The following LDLRAD4 variants were observed in gnomAD, a reference collection of about 807,000 sequenced individuals.
LDLRAD4 encodes the protein low density lipoprotein receptor class A domain containing 4.
A neutral mutation model predicts 17.0 loss-of-function variants in LDLRAD4; 5 were observed. That is an observed-to-expected ratio of 0.29 (90% CI 0.15 to 0.62). The LOEUF (loss-of-function observed/expected upper bound fraction) is 0.62. LDLRAD4 is among the 20% of genes least tolerant of loss of function. The probability of loss-of-function intolerance (pLI) is 0.84; values close to 1 mark genes in which losing one functional copy is unlikely to be tolerated. For missense variants in LDLRAD4, 340 were observed against 424.7 expected, an observed-to-expected ratio of 0.80 and a Z score of 1.75; for synonymous variants, 168 against 171.8, an observed-to-expected ratio of 0.98 and a Z score of 0.17.
At chr18:13,544,660 G>A (rs1343982227) in intron 3 of LDLRAD4, among the ~76,000 whole-genome samples, 1 of 152,180 alleles carries the variant, frequency 6.6e-6, no homozygotes, top group Non-Finnish European at 1.5e-5. Flanking sequence ...GGCTAGAATG[G>A]AGGACAACTT....
At chr18:13,504,001 T>C (rs1244793334) in intron 3 of LDLRAD4, among the ~76,000 whole-genome samples, 1 of 152,192 alleles carries the variant, frequency 6.6e-6, no homozygotes, top group African/African-American at 2.4e-5. Flanking sequence ...AATGAACTCA[T>C]GTAGTCCTCC....
At chr18:13,414,242 G>A (rs2088656067) in intron 2 of LDLRAD4, among the ~76,000 whole-genome samples, 1 of 152,250 alleles carries the variant, frequency 6.6e-6, no homozygotes, top group Non-Finnish European at 1.5e-5. Flanking sequence ...CTTGGGAGAT[G>A]CCTCCATCCC....
At chr18:13,393,573 G>GGACATAATC (rs2086437646) in intron 2 of LDLRAD4, among the ~76,000 whole-genome samples, 1 of 152,124 alleles carries the variant, frequency 6.6e-6, no homozygotes, top group Admixed American at 6.5e-5. Flanking sequence ...AAATATTGAC[G>GGACATAATC]GAGCTCTTGC....
At chr18:13,287,570 C>T (rs768350203) in intron 1 of LDLRAD4, among the ~76,000 whole-genome samples, 1 of 152,130 alleles carries the variant, frequency 6.6e-6, no homozygotes, top group Admixed American at 6.5e-5. Flanking sequence ...ACTACGACGG[C>T]GCCACCCTAT....
At chr18:13,499,074 A>T (rs1244845527) in intron 3 of LDLRAD4, among the ~76,000 whole-genome samples, 1 of 143,292 alleles carries the variant, frequency 7.0e-6, no homozygotes. Context: ...CTCGCCATAC[A>T]CATCCCGCCG....
At chr18:13,264,840 T>G (rs901543269) in intron 1 of LDLRAD4, among the ~76,000 whole-genome samples, 15 of 152,218 alleles carry the variant, frequency 9.9e-5, no homozygotes, top group Non-Finnish European at 2.1e-4. Context: ...ACTGTGCTGT[T>G]TCATAAAAGC....
rs890824797 is a variant in LDLRAD4 at position 13,319,317 on chromosome 18, C to T, written c.-383+41129C>T. On this transcript the variant is annotated intron_variant, in intron 1 of 5. Coordinates refer to ENST00000359446, the Ensembl canonical transcript of LDLRAD4. ...GGCGAGTAACAGAGGTGCGCAGTGG[C>T]GGGGCAGCTGGCCCAGGTCGTGCAG... Among the ~76,000 whole-genome samples the T allele has an allele frequency of 7.2e-5, 11 of 152,248 alleles. No homozygotes were observed. In the East Asian group the frequency reaches 1.5e-3, roughly 21 times the overall value.
chr18:13,432,905 T>TG (rs951333569), intron 2 of LDLRAD4, among the ~76,000 whole-genome samples: 2 of 152,166 alleles, frequency 1.3e-5, no homozygotes, highest in Admixed American at 1.3e-4. Context: ...TTTGTAGAGA[T>TG]GGGGTCTCAC....
chr18:13,528,778 C>T (rs1049915517), intron 3 of LDLRAD4, among the ~76,000 whole-genome samples: 1 of 152,228 alleles, frequency 6.6e-6, no homozygotes, highest in African/African-American at 2.4e-5. Context: ...GTTCCCATTG[C>T]ACACCCCACT....
At chr18:13,499,638 C>CTG in intron 3 of LDLRAD4, among the ~76,000 whole-genome samples, 1 of 151,218 alleles carries the variant, frequency 6.6e-6, no homozygotes, top group Non-Finnish European at 1.5e-5. Flanking sequence ...CACACACGTC[C>CTG]CGCTGTGGAT....
At position 13,492,296 on chromosome 18, in the gene LDLRAD4, G is replaced by A. The variant is rs76682497; in HGVS notation, c.181+53912G>A. On this transcript the variant is annotated intron_variant, in intron 3 of 5. Transcript: ENST00000359446. Reference sequence around the variant, plus strand: ...AATCCTGGATTTCTCCCCTATTCCCGGGCTGTTGATGGGATCTCATCTTTG... The same window carrying A: ...AATCCTGGATTTCTCCCCTATTCCCAGGCTGTTGATGGGATCTCATCTTTG... Among the ~76,000 whole-genome samples, 1,309 of 152,290 alleles carry A rather than the reference G, an allele frequency of 8.6e-3. 18 individuals carry two copies. Among genetic ancestry groups the A allele is most frequent in the African/African-American group, 0.03 (1,264 of 41,542 alleles).
chr18:13,483,691 C>G (rs932894991), intron 3 of LDLRAD4, among the ~76,000 whole-genome samples: 1 of 152,208 alleles, frequency 6.6e-6, no homozygotes, highest in Non-Finnish European at 1.5e-5. Context: ...TCTTCCCCAT[C>G]TCTGTGAGGG....
At chr18:13,249,942 G>T (rs770803470) in intron 1 of LDLRAD4, among the ~76,000 whole-genome samples, 1 of 152,128 alleles carries the variant, frequency 6.6e-6, no homozygotes, top group Non-Finnish European at 1.5e-5. Flanking sequence ...ACAGGTAGGG[G>T]TCTAGTTTTA....
intron 1 of LDLRAD4, among the ~76,000 whole-genome samples, chr18:13,363,240 G>A (rs970606735): frequency 3.3e-5 from 5 of 151,446 alleles, no homozygotes; most frequent in African/African-American, 1.2e-4. Context: ...GCTGAGGCAG[G>A]AGAATGGCGT....
At chr18:13,596,537 T>A (rs1008623710) in intron 3 of LDLRAD4, among the ~76,000 whole-genome samples, 2 of 152,222 alleles carry the variant, frequency 1.3e-5, no homozygotes, top group African/African-American at 4.8e-5. Context: ...AATTCTAGTG[T>A]GAGATATATA....
intron 3 of LDLRAD4, among the ~76,000 whole-genome samples, chr18:13,459,699 G>A (rs1600490684): frequency 1.3e-5 from 2 of 152,286 alleles, no homozygotes; most frequent in African/African-American, 4.8e-5. Flanking sequence ...GGTGTTTTAA[G>A]CCACTGAGTT....
chr18:13,358,724 C>T (rs78278383), intron 1 of LDLRAD4, among the ~76,000 whole-genome samples: 8,967 of 152,212 alleles, frequency 0.059, 337 homozygotes, highest in South Asian at 0.096. Flanking sequence ...AATTCTAACC[C>T]TGCTCTTTTT....
intron 3 of LDLRAD4, among the ~76,000 whole-genome samples, chr18:13,591,212 TA>T (rs1188579834): frequency 6.6e-6 from 1 of 152,200 alleles, no homozygotes; most frequent in East Asian, 1.9e-4. Context: ...GGGGATTCCT[TA>T]AGAATGTCAA....
chr18:13,343,085 TA>T (rs2082468818), intron 1 of LDLRAD4, among the ~76,000 whole-genome samples: 1 of 152,126 alleles, frequency 6.6e-6, no homozygotes, highest in South Asian at 2.1e-4. Context: ...CCTAAAACAA[TA>T]GACTTTTTTA....
Sources: allele counts gnomAD v4.1 joint callset (sites outside exome capture counted in the v4.1 genomes callset), GRCh38; gene constraint gnomAD v4.1.1; transcripts MANE v1.5; gene names NCBI Gene and HGNC (gene_info 2026-07-23, HGNC 2026-07-21).